TRPS1: variants seen among roughly 807,000 people sequenced by gnomAD.
TRPS1 encodes transcriptional repressor GATA binding 1.
TRPS1 carries 6 observed loss-of-function variants against 101.2 expected under a neutral mutation model. The ratio of observed to expected loss-of-function variants is 0.06; its 90% CI spans 0.03 to 0.12. TRPS1 has a LOEUF of 0.12. Among genes scored for constraint, TRPS1 ranks in the 10% least tolerant of loss-of-function variants. TRPS1 has a pLI of 1.00. For missense variants in TRPS1, 1,363 were observed against 1,567.0 expected (o/e 0.87, Z 2.20); for synonymous variants, 578 against 589.8 (o/e 0.98, Z 0.29).
At chr8:115,443,270 TGAAAA>T (rs1242652521) in intron 5 of TRPS1, among the ~76,000 whole-genome samples, 1 of 152,040 alleles carries the variant, frequency 6.6e-6, no homozygotes, top group African/African-American at 2.4e-5. Flanking sequence ...ACTGTCTCCT[TGAAAA>T]GAAAAGAAGT....
chr8:115,456,366 A>G (rs1014945982), intron 5 of TRPS1, among the ~76,000 whole-genome samples: 2 of 151,974 alleles, frequency 1.3e-5, no homozygotes, highest in African/African-American at 4.8e-5. Context: ...TTCTTTCTTG[A>G]TGATTCAGAT....
intron 1 of TRPS1, among the ~76,000 whole-genome samples, chr8:115,658,343 T>C (rs1811721760): frequency 6.6e-6 from 1 of 152,104 alleles, no homozygotes; most frequent in African/African-American, 2.4e-5. Flanking sequence ...CAGTGGGGTT[T>C]ATCTAAAATT....
intron 3 of TRPS1, among the ~76,000 whole-genome samples, chr8:115,612,936 A>G (rs1224406093): frequency 6.6e-6 from 1 of 152,176 alleles, no homozygotes; most frequent in African/African-American, 2.4e-5. Flanking sequence ...ATAAAACCTT[A>G]ATTACACAGC....
chr8:115,537,172 G>C (rs1338915830), intron 5 of TRPS1, among the ~76,000 whole-genome samples: 1 of 152,030 alleles, frequency 6.6e-6, no homozygotes, highest in Non-Finnish European at 1.5e-5. Flanking sequence ...AAATCAACAA[G>C]GAAGTTAACT....
chr8:115,494,029 T>G lies in TRPS1; in HGVS notation c.2701-75577A>C, dbSNP rs1421213864. Among the ~76,000 whole-genome samples, 6 of 152,318 alleles carry G rather than the reference T, an allele frequency of 3.9e-5. No homozygotes were observed. The East Asian group carries it at 1.2e-3, about 29-fold the overall frequency. ...TATTCGATCATTTCATTAACAAAAC[T>G]TGAACTCCTGCTGGGACATCTCATT... On this transcript the variant is annotated intron_variant, in intron 5 of 6. Coordinates refer to ENST00000395715, the MANE Select transcript of TRPS1 (RefSeq NM_014112.5).
chr8:115,446,249 A>G (rs1198533374), intron 5 of TRPS1, among the ~76,000 whole-genome samples: 2 of 152,072 alleles, frequency 1.3e-5, no homozygotes, highest in Non-Finnish European at 2.9e-5. Context: ...CATCTACATA[A>G]AAAGGAATGT....
intron 5 of TRPS1, among the ~76,000 whole-genome samples, chr8:115,567,641 A>G (rs554411289): frequency 6.6e-6 from 1 of 152,244 alleles, no homozygotes; most frequent in East Asian, 1.9e-4. Flanking sequence ...AATATTCCAA[A>G]TATCTAAAGC....
intron 3 of TRPS1, among the ~76,000 whole-genome samples, chr8:115,614,140 A>C (rs1818229189): frequency 6.6e-6 from 1 of 152,182 alleles, no homozygotes; most frequent in South Asian, 2.1e-4. Flanking sequence ...CGTATGCTGT[A>C]ATTACAATGA....
intron 5 of TRPS1, among the ~76,000 whole-genome samples, chr8:115,480,027 C>G (rs1324465932): frequency 6.6e-6 from 1 of 152,072 alleles, no homozygotes; most frequent in Non-Finnish European, 1.5e-5. Context: ...GGGAGTGAAT[C>G]ATATTCATAT....
At chr8:115,424,038 G>T (rs994455234) in intron 5 of TRPS1, among the ~76,000 whole-genome samples, 1 of 152,060 alleles carries the variant, frequency 6.6e-6, no homozygotes, top group Non-Finnish European at 1.5e-5. Context: ...GATATTAAAG[G>T]TTTCCATTGG....
intron 5 of TRPS1, among the ~76,000 whole-genome samples, chr8:115,532,763 G>A (rs1181114191): frequency 6.6e-6 from 1 of 152,120 alleles, no homozygotes; most frequent in East Asian, 1.9e-4. Flanking sequence ...AATCTGACTG[G>A]TCTGCAAACC....
chr8:115,553,890 TC>T, intron 5 of TRPS1, among the ~76,000 whole-genome samples: 1 of 152,260 alleles, frequency 6.6e-6, no homozygotes, highest in African/African-American at 2.4e-5. Context: ...TTCATGATAT[TC>T]CTCATACAAT....
At position 115,557,307 on chromosome 8, in the gene TRPS1, T is replaced by C. The variant is rs776416075; in HGVS notation, c.2700+29694A>G. On this transcript the variant is annotated intron_variant, in intron 5 of 6. Transcript: ENST00000395715. ...TTTAAGACCCTGTTTCTCATCCTCA[T>C]ATGTCTCAAACTCAAAAGATGGTAA... 2.0e-5 allele frequency among the ~76,000 whole-genome samples: 3 copies of C among 152,134 alleles called. 1 individual carries two copies. The highest frequency in any genetic ancestry group is 4.1e-4 in the South Asian group (2 of 4,832).
At chr8:115,493,871 T>C (rs984207408) in intron 5 of TRPS1, among the ~76,000 whole-genome samples, 4 of 152,188 alleles carry the variant, frequency 2.6e-5, no homozygotes, top group Admixed American at 1.3e-4. Flanking sequence ...TTAGTTTTCA[T>C]AGAGGGCTAT....
At chr8:115,535,072 G>A in intron 5 of TRPS1, among the ~76,000 whole-genome samples, 1 of 146,020 alleles carries the variant, frequency 6.8e-6, no homozygotes. Context: ...ATATATATAA[G>A]CATATATATA....
chr8:115,443,418 T>C (rs1311822182), intron 5 of TRPS1, among the ~76,000 whole-genome samples: 1 of 152,214 alleles, frequency 6.6e-6, no homozygotes, highest in Non-Finnish European at 1.5e-5. Context: ...AGAAGGTGTA[T>C]TCCTCACTCC....
intron 5 of TRPS1, among the ~76,000 whole-genome samples, chr8:115,528,230 A>T (rs891951286): frequency 6.6e-6 from 1 of 152,072 alleles, no homozygotes; most frequent in Admixed American, 6.6e-5. Flanking sequence ...TACGTGAAAA[A>T]AGTTGTTACA....
chr8:115,570,709 A>ACACACACT lies in TRPS1; in HGVS notation c.2700+16291_2700+16292insAGTGTGTG, dbSNP rs1554589757. ...CACACTCACACACACACACACACAC[A>ACACACACT]CACACACACACTCACACTTCAATGA... On this transcript the variant is annotated intron_variant, in intron 5 of 6. Coordinates refer to ENST00000395715, the MANE Select transcript of TRPS1 (RefSeq NM_014112.5). Among the ~76,000 whole-genome samples the ACACACACT allele has an allele frequency of 9.9e-4, 150 of 151,076 alleles. 1 individual carries two copies. The highest frequency in any genetic ancestry group is 3.5e-3 in the African/African-American group (143 of 41,138).
chr8:115,478,453 G>A (rs113041716), intron 5 of TRPS1, among the ~76,000 whole-genome samples: 1 of 152,082 alleles, frequency 6.6e-6, no homozygotes, highest in African/African-American at 2.4e-5. Context: ...CTTGTGGGTG[G>A]AGCAGTTAAA....
Sources: gnomAD v4.1 joint callset for allele counts (sites outside exome capture counted in the v4.1 genomes callset) on GRCh38, gnomAD v4.1.1 for gene constraint, MANE v1.5 for transcripts, NCBI Gene and HGNC (gene_info 2026-07-23, HGNC 2026-07-21) for gene names.